Variants in INPP4B observed in about 807,000 individuals in gnomAD.
INPP4B encodes inositol polyphosphate 4-phosphatase type II.
Under a neutral mutation model 122.5 loss-of-function variants are expected in INPP4B, and 55 were observed. That is an observed-to-expected ratio of 0.45 (90% CI 0.36 to 0.56). The LOEUF (loss-of-function observed/expected upper bound fraction) is 0.56, where lower values mean the gene tolerates loss of function less well. Ranked by LOEUF, INPP4B falls within the 20% of genes least tolerant of loss-of-function variation. The pLI is 0.00. For missense variants in INPP4B, 1,000 were observed against 1,097.7 expected (o/e 0.91, Z 1.26); for synonymous variants, 403 against 388.7 (o/e 1.04, Z -0.43).
At chr4:142,145,752 G>A in intron 18 of INPP4B, 88 bp downstream of exon 18, 3 of 1,292,870 alleles carry the variant, frequency 2.3e-6, no homozygotes, top group Non-Finnish European at 2.2e-6. Context: ...AGATACTATT[G>A]ACTCCTCTTC....
intron 23 of INPP4B, among the ~76,000 whole-genome samples, chr4:142,095,397 T>C (rs555533400): frequency 7.9e-5 from 12 of 152,326 alleles, no homozygotes; most frequent in African/African-American, 2.9e-4. Flanking sequence ...TTAATTGTCT[T>C]TAATTTGATG....
At chr4:142,173,454 T>C (rs1028552254) in intron 16 of INPP4B, among the ~76,000 whole-genome samples, 178 bp downstream of exon 16, 2 of 151,572 alleles carry the variant, frequency 1.3e-5, no homozygotes, top group African/African-American at 4.8e-5. Context: ...CTCAGTAAGA[T>C]TTGAACAGAG....
intron 25 of INPP4B, among the ~76,000 whole-genome samples, chr4:142,079,664 G>A (rs1772814709): frequency 6.6e-6 from 1 of 151,924 alleles, no homozygotes; most frequent in Non-Finnish European, 1.5e-5. Flanking sequence ...ATATGCATTA[G>A]CATCAAAAAT....
chr4:142,413,367 A>C (rs1805009535), intron 5 of INPP4B, among the ~76,000 whole-genome samples: 1 of 152,166 alleles, frequency 6.6e-6, no homozygotes. Context: ...AAATCAACCT[A>C]AGGAATCAGC....
rs566140865 is a variant in INPP4B, at chr4:142,211,211, T to C, written c.837-2185A>G. The stretch of plus-strand genomic sequence containing the variant: ...GTAATGAAAACATTGCAAAACAAAA[T>C]GGGGCAGAGTAAGAGAGTCACTGCA... On this transcript the variant is annotated intron_variant, in intron 12 of 25. Transcript: ENST00000262992. 1.4e-4 allele frequency among the ~76,000 whole-genome samples: 22 copies of C among 152,052 alleles called. No individual in the cohort carries two copies. In the South Asian group the frequency reaches 4.2e-3, roughly 29 times the overall value.
chr4:142,656,837 C>A (rs750432591), intron 2 of INPP4B, among the ~76,000 whole-genome samples: 1 of 152,132 alleles, frequency 6.6e-6, no homozygotes, highest in Non-Finnish European at 1.5e-5. Context: ...GGTTAGGCCC[C>A]CCAACTATCA....
At chr4:142,337,902 T>C (rs1160556740) in intron 7 of INPP4B, among the ~76,000 whole-genome samples, 1 of 151,550 alleles carries the variant, frequency 6.6e-6, no homozygotes, top group Admixed American at 6.6e-5. Context: ...ACATTCATAT[T>C]TGAAAGCAGT....
chr4:142,744,607 A>G (rs749227779), intron 1 of INPP4B, among the ~76,000 whole-genome samples: 2 of 151,902 alleles, frequency 1.3e-5, no homozygotes, highest in Non-Finnish European at 2.9e-5. Context: ...CAAGGTAGGC[A>G]AGCTAACAAT....
intron 22 of INPP4B, among the ~76,000 whole-genome samples, chr4:142,110,005 T>C (rs1789198686): frequency 6.6e-6 from 1 of 152,136 alleles, no homozygotes; most frequent in Non-Finnish European, 1.5e-5. Context: ...ATTCTTCTAA[T>C]GTTTTCAGAC....
rs759487611 is a variant in INPP4B at position 142,123,347 on chromosome 4, C to T, written c.1962G>A (p.Gln654=). The change falls in exon 20 of 26, where the codon CAG becomes CAA. Residue 654 remains glutamine (Q), a synonymous_variant. Transcript: ENST00000262992. ...CTATCAACCCCACTGTGTGAAGCTG[C>T]TGTAGGAAGCCTGGGTCATACAGAC... The part of the protein sequence containing the change: ...QTSLYDPGFL[Q]QLHTVGLIVQ... 1 of 1,612,888 alleles carries T rather than the reference C, an allele frequency of 6.2e-7. No individual in the cohort carries two copies. Among genetic ancestry groups the T allele is most frequent in the East Asian group, 2.2e-5 (1 of 44,822 alleles).
chr4:142,290,818 A>T (rs925051889), intron 9 of INPP4B, among the ~76,000 whole-genome samples: 5 of 152,088 alleles, frequency 3.3e-5, no homozygotes, highest in Non-Finnish European at 7.4e-5. Context: ...GCATCAAACA[A>T]CCTGGAGCTG....
At chr4:142,600,729 C>T (rs891738181) in intron 2 of INPP4B, among the ~76,000 whole-genome samples, 6 of 152,018 alleles carry the variant, frequency 3.9e-5, no homozygotes, top group Non-Finnish European at 8.8e-5. Context: ...ATTGATTAAA[C>T]TTTCAACTGA....
At chr4:142,058,593 A>G (rs924719969) in intron 25 of INPP4B, among the ~76,000 whole-genome samples, 8 of 152,140 alleles carry the variant, frequency 5.3e-5, no homozygotes, top group African/African-American at 1.7e-4. Context: ...ACTCTCATAT[A>G]CCATTTAACA....
chr4:142,828,443 C>A (rs1030079680), intron 1 of INPP4B, among the ~76,000 whole-genome samples: 2 of 152,068 alleles, frequency 1.3e-5, no homozygotes, highest in African/African-American at 4.8e-5. Flanking sequence ...AAATTGATTA[C>A]CTTATCTAAA....
chr4:142,658,517 T>C (rs539944633), intron 2 of INPP4B, among the ~76,000 whole-genome samples: 39 of 152,376 alleles, frequency 2.6e-4, no homozygotes, highest in Non-Finnish European at 5.1e-4. Context: ...TATAATCCTG[T>C]GATCAAGATA....
intron 2 of INPP4B, among the ~76,000 whole-genome samples, chr4:142,707,591 T>C (rs1762615644): frequency 6.6e-6 from 1 of 152,258 alleles, no homozygotes. Context: ...CCTCCTGCTC[T>C]AGCCACATAA....
chr4:142,408,839 T>C (rs1303238618), intron 5 of INPP4B, among the ~76,000 whole-genome samples: 3 of 152,206 alleles, frequency 2.0e-5, no homozygotes, highest in African/African-American at 7.2e-5. Flanking sequence ...ATTGAATTGT[T>C]TAAAAGTGTT....
chr4:142,170,658 G>A (rs1051891132), intron 16 of INPP4B, among the ~76,000 whole-genome samples: 1 of 151,664 alleles, frequency 6.6e-6, no homozygotes, highest in African/African-American at 2.4e-5. Flanking sequence ...GAAAATTGAA[G>A]CACTTATAAG....
intron 2 of INPP4B, among the ~76,000 whole-genome samples, chr4:142,521,958 G>A (rs931742638): frequency 6.6e-6 from 1 of 152,006 alleles, no homozygotes; most frequent in African/African-American, 2.4e-5. Flanking sequence ...AGCACAGAGT[G>A]GTGAATTAAC....
Sources: gnomAD v4.1 joint callset for allele counts (sites outside exome capture counted in the v4.1 genomes callset) on GRCh38, gnomAD v4.1.1 for gene constraint, MANE v1.5 for transcripts, NCBI Gene and HGNC (gene_info 2026-07-23, HGNC 2026-07-21) for gene names.